DSCAML1: variants seen among roughly 807,000 people sequenced by gnomAD.
DSCAML1 encodes DS cell adhesion molecule like 1, also known as cell adhesion molecule DSCAML1.
DSCAML1 carries 38 observed loss-of-function variants against 200.5 expected under a neutral mutation model. That is an observed-to-expected ratio of 0.19 (90% CI 0.15 to 0.25). DSCAML1 has a LOEUF of 0.25. Ranked by LOEUF, DSCAML1 falls within the 10% of genes least tolerant of loss-of-function variation. The pLI is 1.00. For missense variants in DSCAML1, 2,223 were observed against 2,858.8 expected (o/e 0.78, Z 5.07); for synonymous variants, 1,215 against 1,165.0 (o/e 1.04, Z -0.87).
At chr11:117,435,531 G>A in intron 27 of DSCAML1, 113 bp downstream of exon 27, 1 of 1,269,964 alleles carries the variant, frequency 7.9e-7, no homozygotes, top group South Asian at 1.9e-5. Flanking sequence ...CTCCTTCAAG[G>A]GGACACAGGC....
intron 3 of DSCAML1, among the ~76,000 whole-genome samples, chr11:117,682,084 G>A (rs1281582930): frequency 6.6e-5 from 10 of 152,200 alleles, no homozygotes; most frequent in Non-Finnish European, 1.3e-4. Context: ...GTTGGGGGCT[G>A]TTTATGGTTG....
upstream of DSCAML1, among the ~76,000 whole-genome samples, chr11:117,798,484 A>C (rs1262993748): frequency 6.6e-6 from 1 of 152,226 alleles, no homozygotes; most frequent in Non-Finnish European, 1.5e-5. Flanking sequence ...TTACCATTTC[A>C]ACCATTTGAA....
intron 3 of DSCAML1, among the ~76,000 whole-genome samples, chr11:117,555,280 T>G (rs991454874): frequency 6.6e-6 from 1 of 152,226 alleles, no homozygotes; most frequent in Non-Finnish European, 1.5e-5. Flanking sequence ...GTCAAGATCT[T>G]GTTCAGATCT....
At chr11:117,689,451 T>C (rs1222810069) in intron 3 of DSCAML1, among the ~76,000 whole-genome samples, 4 of 152,172 alleles carry the variant, frequency 2.6e-5, no homozygotes, top group African/African-American at 9.7e-5. Flanking sequence ...AGGATAGTAA[T>C]ACATAGCAAG....
rs2049768013 is a variant in DSCAML1, at chr11:117,516,380, ATTG to A, written c.1783+84_1783+86del. The A allele has an allele frequency of 4.0e-6, 6 of 1,501,724 alleles. No individual in the cohort carries two copies. The highest frequency in any genetic ancestry group is 1.9e-5 in the Admixed American group (1 of 52,834). The allele number at this position is 1,501,724 out of a possible 1,614,324, so 93.0% of individuals were successfully genotyped here. A position where few individuals can be genotyped will look rare whatever the true frequency, so the allele number is the denominator to read the frequency against. On this transcript the variant is annotated intron_variant, in intron 8 of 32. Transcript: ENST00000651296. This position sits in a 1 kb window ranked among gnomAD's most constrained non-coding sequence, Gnocchi z 5.7. ...GCCTTCCGTTCACCCAGGATTGCCT[ATTG>A]TTGTCTGAGTCCCAGCTGGGGAAAG...
intron 1 of DSCAML1, among the ~76,000 whole-genome samples, chr11:117,807,636 G>A (rs1410589848): frequency 6.6e-6 from 1 of 152,228 alleles, no homozygotes; most frequent in African/African-American, 2.4e-5. Flanking sequence ...TGTTTAGCTA[G>A]AGAAGGTCAC....
At chr11:117,631,244 T>C (rs1398633450) in intron 3 of DSCAML1, among the ~76,000 whole-genome samples, 1 of 152,224 alleles carries the variant, frequency 6.6e-6, no homozygotes, top group African/African-American at 2.4e-5. Context: ...TGCTGCTTAC[T>C]GCTGGTGGTA....
chr11:117,784,887 G>A (rs1374326140), intron 1 of DSCAML1, among the ~76,000 whole-genome samples: 1 of 152,212 alleles, frequency 6.6e-6, no homozygotes, highest in Non-Finnish European at 1.5e-5. Flanking sequence ...GTTATAATAT[G>A]CGAGATAGGG....
At chr11:117,663,193 A>G (rs1457535974) in intron 3 of DSCAML1, among the ~76,000 whole-genome samples, 1 of 152,162 alleles carries the variant, frequency 6.6e-6, no homozygotes, top group Non-Finnish European at 1.5e-5. Context: ...TATCCTTGCT[A>G]TATCGCAGAG....
chr11:117,752,830 G>A (rs537427432), intron 3 of DSCAML1, among the ~76,000 whole-genome samples: 46 of 152,344 alleles, frequency 3.0e-4, no homozygotes, highest in African/African-American at 9.1e-4. Flanking sequence ...CCTGTGGTGC[G>A]GCGAGGACAC....
chr11:117,467,635 G>A (rs1209872438), intron 16 of DSCAML1, among the ~76,000 whole-genome samples: 2 of 151,446 alleles, frequency 1.3e-5, no homozygotes, highest in East Asian at 3.9e-4. Context: ...CTGTGTGTGT[G>A]TGTTTAATTG....
At chr11:117,616,686 CCTGGGGTG>C (rs1479027235) in intron 3 of DSCAML1, among the ~76,000 whole-genome samples, 41 of 152,170 alleles carry the variant, frequency 2.7e-4, no homozygotes, top group African/African-American at 9.6e-4. Context: ...CAAGGGGACT[CCTGGGGTG>C]CTGGTGATAT....
At chr11:117,490,034 C>T (rs1192895446) in intron 11 of DSCAML1, among the ~76,000 whole-genome samples, 2 of 152,188 alleles carry the variant, frequency 1.3e-5, no homozygotes, top group Non-Finnish European at 2.9e-5. Context: ...CAGGAAGCTG[C>T]CTTATAACCA....
At chr11:117,570,512 T>C (rs2050830773) in intron 3 of DSCAML1, among the ~76,000 whole-genome samples, 1 of 152,220 alleles carries the variant, frequency 6.6e-6, no homozygotes, top group South Asian at 2.1e-4. Context: ...GCATAAAACT[T>C]GTGTGTCTTA....
intron 3 of DSCAML1, among the ~76,000 whole-genome samples, chr11:117,757,058 G>A (rs2054705575): frequency 6.6e-6 from 1 of 152,134 alleles, no homozygotes; most frequent in Non-Finnish European, 1.5e-5. Context: ...CTCAGGGTGG[G>A]GAGTTGGCAG....
chr11:117,602,105 A>C (rs911001907), intron 3 of DSCAML1, among the ~76,000 whole-genome samples: 7 of 152,288 alleles, frequency 4.6e-5, no homozygotes, highest in Non-Finnish European at 7.3e-5. Context: ...CAGAATCAGC[A>C]GCCTCAGCTG....
Position 117,521,247 on chromosome 11 carries a change from G to C in DSCAML1, c.1096C>G (p.Leu366Val). Residue 366 changes from leucine to valine, a missense_variant, in exon 6 of 33, where the codon CTC becomes GTC. This residue lies in a region of DSCAML1 where 579 missense variants were observed against 721.5 expected (regional missense o/e 0.80). Coordinates refer to ENST00000651296, the MANE Select transcript of DSCAML1 (RefSeq NM_020693.4). ...GTGATGAGCAGCGTCTCGTTGCTGA[G>C]CCCGCGGATGGAGATGGCCTCGTCA... ...LPDEAISIRG[L>V]SNETLLITSA... 6.2e-7 allele frequency: 1 copy of C among 1,614,188 alleles called. No homozygotes were observed.
chr11:117,563,073 A>G (rs373460757), intron 3 of DSCAML1, among the ~76,000 whole-genome samples: 13 of 152,308 alleles, frequency 8.5e-5, no homozygotes, highest in African/African-American at 3.1e-4. Flanking sequence ...GCTGAAATGA[A>G]GTGAACGCCA....
intron 3 of DSCAML1, among the ~76,000 whole-genome samples, chr11:117,631,921 T>A (rs929021186): frequency 6.6e-6 from 1 of 152,178 alleles, no homozygotes; most frequent in Non-Finnish European, 1.5e-5. Context: ...CACAGGCCCC[T>A]AGCAGGCCAG....
Sources: allele counts gnomAD v4.1 joint callset (sites outside exome capture counted in the v4.1 genomes callset), GRCh38; gene constraint gnomAD v4.1.1; regional missense constraint gnomAD v4.1.1; non-coding constraint Gnocchi (gnomAD v3.1); transcripts MANE v1.5; gene names NCBI Gene and HGNC (gene_info 2026-07-23, HGNC 2026-07-21).